The following NALCN variants were observed in gnomAD, a reference collection of about 807,000 sequenced individuals.
NALCN encodes sodium leak channel NALCN.
In NALCN, 111 loss-of-function variants were observed where a neutral mutation model predicts 225.3. The ratio of observed to expected loss-of-function variants is 0.49; its 90% CI spans 0.42 to 0.58. The LOEUF is 0.58. NALCN is among the 20% of genes least tolerant of loss of function. NALCN has a pLI of 0.00. For synonymous variants in NALCN, 764 were observed against 769.0 expected (o/e 0.99, Z 0.11); for missense variants, 1,378 against 2,202.4 (o/e 0.63, Z 7.49).
intron 37 of NALCN, among the ~76,000 whole-genome samples, chr13:101,070,071 T>TTTTTTTG (rs2032748332): frequency 1.4e-5 from 2 of 139,598 alleles, no homozygotes; most frequent in Non-Finnish European, 3.1e-5. Flanking sequence ...ATGTTTTTTT[T>TTTTTTTG]TTTTTTTTTT....
chr13:101,349,782 C>T (rs748310232), intron 6 of NALCN, among the ~76,000 whole-genome samples: 4 of 152,144 alleles, frequency 2.6e-5, no homozygotes, highest in African/African-American at 9.7e-5. Flanking sequence ...TCCTTTACAT[C>T]GTTGTAGAGT....
chr13:101,313,609 A>G (rs2044438574), intron 7 of NALCN, among the ~76,000 whole-genome samples: 1 of 152,218 alleles, frequency 6.6e-6, no homozygotes, highest in African/African-American at 2.4e-5. Flanking sequence ...ACTGCAAATC[A>G]AAACCACAAT....
At chr13:101,074,409 T>C (rs1285049530) in intron 36 of NALCN, 105 bp downstream of exon 36, 1 of 1,033,916 alleles carries the variant, frequency 9.7e-7, no homozygotes, top group Non-Finnish European at 1.3e-6. Flanking sequence ...TTACTTCCCT[T>C]TCCCCTCTCC....
At chr13:101,283,726 C>T (rs1048258394) in intron 10 of NALCN, among the ~76,000 whole-genome samples, 4 of 151,512 alleles carry the variant, frequency 2.6e-5, no homozygotes. Context: ...TGCCTGCAGC[C>T]ATCAGAAACT....
chr13:101,190,563 C>T (rs1051498354), intron 14 of NALCN, among the ~76,000 whole-genome samples: 1 of 152,196 alleles, frequency 6.6e-6, no homozygotes, highest in African/African-American at 2.4e-5. Flanking sequence ...TAAAAGTCAA[C>T]TCCATGTATA....
chr13:101,247,893 A>C lies in NALCN; in HGVS notation c.1267-9971T>G, dbSNP rs530942798. ...TCAGTGTTCTCATTATCCAGCTCCC[A>C]CTTATAAGTGAGAACATGCAGTGTT... On this transcript the variant is annotated intron_variant, in intron 11 of 43. Transcript: ENST00000251127. Among the ~76,000 whole-genome samples the C allele has an allele frequency of 9.6e-4, 146 of 151,902 alleles. 1 individual carries two copies. Among genetic ancestry groups the C allele is most frequent in the Middle Eastern group, 6.8e-3 (2 of 294 alleles).
chr13:101,166,529 C>T (rs1484857101), intron 15 of NALCN, among the ~76,000 whole-genome samples: 1 of 151,890 alleles, frequency 6.6e-6, no homozygotes, highest in Non-Finnish European at 1.5e-5. Flanking sequence ...CATTTGTATA[C>T]CTTTTTTAGA....
At chr13:101,090,093 T>C (rs1429151572) in intron 28 of NALCN, 127 bp from the exon 29 acceptor site, 5 of 1,330,020 alleles carry the variant, frequency 3.8e-6, no homozygotes, top group Admixed American at 2.1e-5. Flanking sequence ...CACACATATA[T>C]ACACACACAC....
At chr13:101,260,363 T>C (rs1353505404) in intron 10 of NALCN, among the ~76,000 whole-genome samples, 1 of 152,234 alleles carries the variant, frequency 6.6e-6, no homozygotes, top group African/African-American at 2.4e-5. Context: ...GATATACTTA[T>C]TTCCTTTCTT....
chr13:101,095,651 A>G lies in NALCN; in HGVS notation c.3192T>C (p.Asn1064=). Residue 1064 remains asparagine (N), a synonymous_variant, in exon 28 of 44, where the codon AAT becomes AAC. Transcript: ENST00000251127. ...REDCNGIFRI[N]VSVSKNLNLK... ...AATTTAAGTTCTTTGACACACTGAC[A>G]TTAATTCTGAATATGCCATTGCAAT... 6.2e-7 allele frequency: 1 copy of G among 1,613,328 alleles called. No individual in the cohort carries two copies. The highest frequency in any genetic ancestry group is 1.1e-5 in the South Asian group (1 of 90,908).
intron 10 of NALCN, among the ~76,000 whole-genome samples, chr13:101,272,154 G>A (rs1211349524): frequency 2.6e-5 from 4 of 152,126 alleles, no homozygotes; most frequent in Non-Finnish European, 5.9e-5. Flanking sequence ...GTGAGCATGT[G>A]TGAGCCTGTA....
intron 3 of NALCN, among the ~76,000 whole-genome samples, chr13:101,391,694 G>C: frequency 6.7e-6 from 1 of 149,674 alleles, no homozygotes; most frequent in East Asian, 2.0e-4. Flanking sequence ...ACTAAAAAAT[G>C]AAGACATAGG....
intron 12 of NALCN, among the ~76,000 whole-genome samples, chr13:101,235,407 G>C (rs911321621): frequency 6.6e-6 from 1 of 151,998 alleles, no homozygotes; most frequent in African/African-American, 2.4e-5. Context: ...TTCTTAATTT[G>C]GCTACTTTAA....
At chr13:101,376,410 G>C (rs540374608) in intron 6 of NALCN, among the ~76,000 whole-genome samples, 9 of 152,078 alleles carry the variant, frequency 5.9e-5, no homozygotes, top group Admixed American at 6.6e-5. Context: ...CCAGCTACTT[G>C]GCAGGCTGAG....
intron 13 of NALCN, among the ~76,000 whole-genome samples, chr13:101,216,666 A>G (rs1369788013): frequency 6.6e-6 from 1 of 152,156 alleles, no homozygotes; most frequent in African/African-American, 2.4e-5. Flanking sequence ...ACACACTCTC[A>G]CTACATCTGA....
chr13:101,382,351 C>T (rs1285122628), intron 3 of NALCN, among the ~76,000 whole-genome samples: 1 of 151,824 alleles, frequency 6.6e-6, no homozygotes, highest in Non-Finnish European at 1.5e-5. Context: ...GAGAGACATG[C>T]TTTTCACAAT....
intron 20 of NALCN, 25 bp downstream of exon 20, chr13:101,110,594 A>T: frequency 6.2e-7 from 1 of 1,612,518 alleles, no homozygotes. Flanking sequence ...CGTTTCTGAA[A>T]TCCAAAGCAT....
At chr13:101,148,757 C>T (rs2037483503) in intron 15 of NALCN, among the ~76,000 whole-genome samples, 1 of 152,092 alleles carries the variant, frequency 6.6e-6, no homozygotes, top group African/African-American at 2.4e-5. Flanking sequence ...GGTGGCGGAA[C>T]TCAACTCTAA....
At chr13:101,187,596 C>T (rs777287751) in intron 14 of NALCN, among the ~76,000 whole-genome samples, 11 of 151,996 alleles carry the variant, frequency 7.2e-5, no homozygotes, top group Non-Finnish European at 1.6e-4. Context: ...AATTGAGTCA[C>T]AAAAAAGATG....
Sources: gnomAD v4.1 joint callset for allele counts (sites outside exome capture counted in the v4.1 genomes callset) on GRCh38, gnomAD v4.1.1 for gene constraint, MANE v1.5 for transcripts, NCBI Gene and HGNC (gene_info 2026-07-23, HGNC 2026-07-21) for gene names.